HMCN1: variants seen among roughly 807,000 people sequenced by gnomAD.
HMCN1 encodes the protein hemicentin 1, also known as hemicentin-1.
A neutral mutation model predicts 625.9 loss-of-function variants in HMCN1; 321 were observed. That is an observed-to-expected ratio of 0.51 (90% CI 0.47 to 0.56). HMCN1 has a LOEUF of 0.56. Ranked by LOEUF, HMCN1 falls within the 20% of genes least tolerant of loss-of-function variation. The pLI, the probability that HMCN1 is intolerant of heterozygous loss-of-function variation, is 0.00. For synonymous variants in HMCN1, 2,425 were observed against 2,417.6 expected (o/e 1.00, Z -0.09); for missense variants, 6,588 against 6,887.3 (o/e 0.96, Z 1.54).
At chr1:186,103,700 G>C in intron 69 of HMCN1, 32 bp downstream of exon 69, 1 of 1,589,172 alleles carries the variant, frequency 6.3e-7, no homozygotes, top group Non-Finnish European at 8.6e-7. Flanking sequence ...ATTATTTTAG[G>C]TTAGGTCAAA....
chr1:186,043,120 T>C (rs1281486111), intron 40 of HMCN1, among the ~76,000 whole-genome samples: 2 of 152,152 alleles, frequency 1.3e-5, no homozygotes, highest in Non-Finnish European at 2.9e-5. Context: ...ATTCTTCAGC[T>C]TCCCAGCAAC....
At chr1:185,837,063 A>G (rs1170636571) in intron 1 of HMCN1, among the ~76,000 whole-genome samples, 4 of 150,004 alleles carry the variant, frequency 2.7e-5, no homozygotes, top group Admixed American at 1.3e-4. Flanking sequence ...ATATATATAT[A>G]TGTGTCACAT....
intron 93 of HMCN1, among the ~76,000 whole-genome samples, chr1:186,146,458 A>T (rs564454076): frequency 5.3e-4 from 80 of 152,318 alleles, no homozygotes; most frequent in African/African-American, 1.9e-3. Context: ...AAGAAATGGT[A>T]GCTAATACTC....
chr1:186,168,992 C>A (rs1652061753), intron 100 of HMCN1, among the ~76,000 whole-genome samples: 1 of 152,116 alleles, frequency 6.6e-6, no homozygotes, highest in Admixed American at 6.5e-5. Flanking sequence ...TGTTCAACTC[C>A]CACTTAGGAG....
chr1:185,913,594 G>C (rs1489692105), intron 6 of HMCN1, among the ~76,000 whole-genome samples: 2 of 152,094 alleles, frequency 1.3e-5, no homozygotes, highest in African/African-American at 4.8e-5. Flanking sequence ...ATTATTGACT[G>C]TGAAATACGT....
chr1:185,809,171 C>T (rs558716497), intron 1 of HMCN1, among the ~76,000 whole-genome samples: 1 of 152,210 alleles, frequency 6.6e-6, no homozygotes, highest in South Asian at 2.1e-4. Flanking sequence ...TATTTTCCTT[C>T]ACCATAGTAA....
intron 1 of HMCN1, among the ~76,000 whole-genome samples, chr1:185,826,961 G>A (rs1299815929): frequency 2.0e-5 from 3 of 151,902 alleles, no homozygotes; most frequent in Non-Finnish European, 4.4e-5. Context: ...CGGATCACGA[G>A]GTCAGAAGAT....
At position 186,186,994 on chromosome 1, in the gene HMCN1, T is replaced by TCTCACA. The variant is rs1188045464; in HGVS notation, c.16415-888_16415-887insTCACAC. Among the ~76,000 whole-genome samples, 14 of 134,594 alleles carry TCTCACA rather than the reference T, an allele frequency of 1.0e-4. 1 individual carries two copies. The highest frequency in any genetic ancestry group is 4.7e-4 in the East Asian group (2 of 4,270). 88.3% of individuals were successfully genotyped at this position (134,594 alleles called of 152,430 possible). A position where few individuals can be genotyped will look rare whatever the true frequency, so the allele number is the denominator to read the frequency against. Reference sequence around the variant, plus strand: ...CAATCTCACATTCTCTGTCTCTGTCTCACACACACACACACACACACACAC... The same window carrying TCTCACA: ...CAATCTCACATTCTCTGTCTCTGTCTCTCACACACACACACACACACACACACACAC... On this transcript the variant is annotated intron_variant, in intron 105 of 106. Transcript: ENST00000271588.
intron 1 of HMCN1, among the ~76,000 whole-genome samples, chr1:185,836,203 A>G (rs1402625733): frequency 6.6e-6 from 1 of 152,212 alleles, no homozygotes; most frequent in Admixed American, 6.5e-5. Context: ...CCACACAGCC[A>G]AAATGCATGA....
intron 102 of HMCN1, among the ~76,000 whole-genome samples, chr1:186,173,289 A>T (rs1652346313): frequency 6.6e-6 from 1 of 152,150 alleles, no homozygotes; most frequent in Admixed American, 6.6e-5. Flanking sequence ...TGTTAAGTTC[A>T]TGGTGGTTTA....
At chr1:185,891,982 C>A (rs1665124773) in intron 4 of HMCN1, among the ~76,000 whole-genome samples, 2 of 151,188 alleles carry the variant, frequency 1.3e-5, no homozygotes, top group South Asian at 4.1e-4. Flanking sequence ...TCACATAGTC[C>A]CACATTTCTT....
chr1:186,045,951 A>T, intron 41 of HMCN1, 88 bp downstream of exon 41: 1 of 938,724 alleles, frequency 1.1e-6, no homozygotes, highest in Non-Finnish European at 1.7e-6. Flanking sequence ...TGTCTTTTAT[A>T]AGTGTTGGAC....
At chr1:185,828,467 C>T (rs995112951) in intron 1 of HMCN1, among the ~76,000 whole-genome samples, 4 of 151,956 alleles carry the variant, frequency 2.6e-5, no homozygotes, top group African/African-American at 9.7e-5. Context: ...GATATAGAAA[C>T]ATATTAGAGT....
chr1:185,858,586 A>ATTTTT lies in HMCN1; in HGVS notation c.340-5841_340-5837dup, dbSNP rs71101980. ...GCCTATATGCCACCACACCCAGCTA[A>ATTTTT]TTTTTTTTTTTTTTTTTTTTTTTTT... On this transcript the variant is annotated intron_variant, in intron 2 of 106. Coordinates refer to ENST00000271588, the MANE Select transcript of HMCN1 (RefSeq NM_031935.3). Among the ~76,000 whole-genome samples, 47 of 34,746 alleles carry ATTTTT rather than the reference A, an allele frequency of 1.4e-3. 15 individuals are homozygous for ATTTTT. Among genetic ancestry groups the ATTTTT allele is most frequent in the Non-Finnish European group, 1.6e-3 (29 of 17,940 alleles). 22.8% of individuals were successfully genotyped at this position (34,746 alleles called of 152,430 possible). A position where few individuals can be genotyped will look rare whatever the true frequency, so the allele number is the denominator to read the frequency against.
Position 186,144,628 on chromosome 1 carries a change from G to A in HMCN1, c.14191G>A (p.Val4731Met), listed in dbSNP as rs1257423453. The part of the protein sequence containing the change: ...RQRTRGCSDP[V>M]PQYGGRKCEG... ...GAGAACAAGGGGCTGCTCCGACCCTGTGCCCCAGTATGGAGGAAGGAAATG... is the reference window on the plus strand; with the variant it reads ...GAGAACAAGGGGCTGCTCCGACCCTATGCCCCAGTATGGAGGAAGGAAATG... The change falls in exon 91 of 107, where the codon GTG becomes ATG. Residue 4731 changes from valine (V) to methionine (M), a missense_variant. Transcript: ENST00000271588. 6.2e-7 allele frequency: 1 copy of A among 1,614,038 alleles called. No homozygotes were observed. The highest frequency in any genetic ancestry group is 8.5e-7 in the Non-Finnish European group (1 of 1,180,028).
chr1:186,106,821 ATTTAT>A (rs1660631933), intron 69 of HMCN1, 58 bp from the exon 70 acceptor site: 2 of 1,162,692 alleles, frequency 1.7e-6, no homozygotes, highest in African/African-American at 1.5e-5. Flanking sequence ...TCTAGTGGAT[ATTTAT>A]TTTAATAACA....
chr1:186,125,141 C>A (rs1316144726), intron 81 of HMCN1, among the ~76,000 whole-genome samples: 1 of 151,788 alleles, frequency 6.6e-6, no homozygotes, highest in Non-Finnish European at 1.5e-5. Context: ...TTTTTTTCTA[C>A]AGCACTTTGT....
chr1:185,963,932 A>G (rs1171556537), intron 13 of HMCN1, 37 bp downstream of exon 13: 1 of 1,573,486 alleles, frequency 6.4e-7, no homozygotes, highest in Non-Finnish European at 8.7e-7. Context: ...TTAAAATAGG[A>G]TGAATATCAC....
At chr1:185,909,719 G>A (rs547194042) in intron 5 of HMCN1, among the ~76,000 whole-genome samples, 4 of 152,012 alleles carry the variant, frequency 2.6e-5, no homozygotes, top group Non-Finnish European at 2.9e-5. Context: ...AAAACTTCTC[G>A]TATTTAAAGA....
Sources: allele counts gnomAD v4.1 joint callset (sites outside exome capture counted in the v4.1 genomes callset), GRCh38; gene constraint gnomAD v4.1.1; transcripts MANE v1.5; gene names NCBI Gene and HGNC (gene_info 2026-07-23, HGNC 2026-07-21).